WWC2: variants seen among roughly 807,000 people sequenced by gnomAD.
WWC2 encodes the protein WW and C2 domain containing 2, also known as protein WWC2.
WWC2 carries 101 observed loss-of-function variants against 138.5 expected under a neutral mutation model. The observed-to-expected ratio is 0.73, with a 90% CI of 0.62 to 0.86. WWC2 has a LOEUF of 0.86. Ranked by LOEUF, WWC2 falls within the 40% of genes least tolerant of loss-of-function variation. WWC2 has a pLI of 0.00. For synonymous variants in WWC2, 558 were observed against 538.4 expected (o/e 1.04, Z -0.50); for missense variants, 1,420 against 1,419.4 (o/e 1.00, Z -0.01).
At chr4:183,189,936 A>G (rs1432295038) in intron 1 of WWC2, among the ~76,000 whole-genome samples, 2 of 152,222 alleles carry the variant, frequency 1.3e-5, no homozygotes, top group Non-Finnish European at 2.9e-5. Context: ...ATTTGAGTTG[A>G]CAATAAATAT....
chr4:183,124,949 T>C (rs1400262357), intron 1 of WWC2, among the ~76,000 whole-genome samples: 2 of 152,154 alleles, frequency 1.3e-5, no homozygotes, highest in Non-Finnish European at 2.9e-5. Context: ...TTAAACACAC[T>C]AAATTTTTCT....
At position 183,280,892 on chromosome 4, in the gene WWC2, A is replaced by G; in HGVS notation, c.2679A>G (p.Gly893=). The change falls in exon 17 of 23, where the codon GGA becomes GGG. Residue 893 remains glycine (G), a synonymous_variant. Transcript: ENST00000403733. Reference sequence around the variant, plus strand: ...AAGAAGAGCCAAGGGGCCCAGATGGAGACTGGTTAAACACTTATTTCCTTT... The same window carrying G: ...AAGAAGAGCCAAGGGGCCCAGATGGGGACTGGTTAAACACTTATTTCCTTT... ...SGQEEPRGPD[G]DWLTMLREAS... 6.4e-7 allele frequency: 1 copy of G among 1,560,912 alleles called. No individual in the cohort carries two copies. The highest frequency in any genetic ancestry group is 1.2e-5 in the South Asian group (1 of 84,546).
At position 183,289,330 on chromosome 4, in the gene WWC2, G is replaced by A. The variant is rs1738355287; in HGVS notation, c.3142-63G>A. The A allele has an allele frequency of 9.6e-6, 15 of 1,557,394 alleles. No individual in the cohort carries two copies. In the Admixed American group the frequency reaches 2.4e-4, roughly 25 times the overall value. ...CATCCATCATGCGCCAGGAAGGAGG[G>A]GAAGTGGGGTAACCACTGCCTGTAT... On this transcript the variant is annotated intron_variant, in intron 20 of 22. Transcript: ENST00000403733.
intron 1 of WWC2, among the ~76,000 whole-genome samples, chr4:183,154,026 A>AAAAAAAAAAAAAAC: frequency 6.9e-6 from 1 of 145,656 alleles, no homozygotes; most frequent in African/African-American, 2.7e-5. Context: ...AAAAAAAAAA[A>AAAAAAAAAAAAAAC]AACCCCAAAT....
In WWC2 at chr4:183,292,774, A is replaced by G. The variant is rs1178941909; in HGVS notation, c.3384+3139A>G. Among the ~76,000 whole-genome samples the G allele has an allele frequency of 2.0e-5, 3 of 152,316 alleles. No individual in the cohort carries two copies. The East Asian group carries it at 5.8e-4, about 29-fold the overall frequency. ...AGAGAACACTTCCACAACTAATTTT[A>G]TGTTAATGCCAACACTAGATAAAGA... On this transcript the variant is annotated intron_variant, in intron 21 of 22. Coordinates refer to ENST00000403733, the MANE Select transcript of WWC2 (RefSeq NM_024949.6).
At chr4:183,123,637 CATA>C (rs1339162935) in intron 1 of WWC2, among the ~76,000 whole-genome samples, 1 of 151,976 alleles carries the variant, frequency 6.6e-6, no homozygotes, top group East Asian at 1.9e-4. Context: ...GCAAATATAG[CATA>C]ATATCATTTC....
chr4:183,267,498 C>T (rs1169559773), intron 14 of WWC2, among the ~76,000 whole-genome samples: 2 of 152,196 alleles, frequency 1.3e-5, no homozygotes, highest in Admixed American at 6.5e-5. Context: ...CTACCAGAGA[C>T]TGAAACAATA....
chr4:183,222,679 T>TA (rs1451077897), intron 4 of WWC2, among the ~76,000 whole-genome samples: 1 of 152,110 alleles, frequency 6.6e-6, no homozygotes, highest in Non-Finnish European at 1.5e-5. Context: ...CATATAAAAA[T>TA]ATGTGGCCAG....
intron 21 of WWC2, among the ~76,000 whole-genome samples, chr4:183,294,712 A>G (rs77472227): frequency 0.014 from 2,154 of 152,294 alleles, 21 homozygotes; most frequent in Middle Eastern, 0.024. Context: ...GAAAAAGAAG[A>G]TGAAGACCTT....
chr4:183,161,850 C>T (rs1733968824), intron 1 of WWC2, among the ~76,000 whole-genome samples: 3 of 152,154 alleles, frequency 2.0e-5, no homozygotes, highest in South Asian at 4.1e-4. Context: ...ACACATTTCT[C>T]AGAATATATC....
chr4:183,289,441 C>T lies in WWC2; in HGVS notation c.3190C>T (p.Arg1064Trp), dbSNP rs368684879. Residue 1064 changes from arginine to tryptophan, a missense_variant, in exon 21 of 23, where the codon CGG (arginine) becomes TGG (tryptophan). By Grantham distance (101) the Arg-to-Trp change is moderately radical. Transcript: ENST00000403733. The stretch of plus-strand genomic sequence containing the variant: ...AAGAACAACACAGGAATGCCCAGTG[C>T]GGACATCTCTAGACTTAGAACTGGA... ...LRRTTQECPV[R>W]TSLDLELDLQ... 2.0e-5 allele frequency: 32 copies of T among 1,612,272 alleles called. No homozygotes were observed. Among genetic ancestry groups the T allele is most frequent in the East Asian group, 1.1e-4 (5 of 44,832 alleles).
chr4:183,265,424 A>AT (rs1737470386), intron 12 of WWC2, among the ~76,000 whole-genome samples: 1 of 152,214 alleles, frequency 6.6e-6, no homozygotes, highest in South Asian at 2.1e-4. Context: ...TATTTCTGAA[A>AT]GTCTGAAATG....
At chr4:183,310,374 C>G (rs909106907) in intron 21 of WWC2, among the ~76,000 whole-genome samples, 1 of 152,142 alleles carries the variant, frequency 6.6e-6, no homozygotes, top group Admixed American at 6.5e-5. Context: ...AATAAATAGA[C>G]TGTGTTTTTC....
chr4:183,245,479 A>G lies in WWC2; in HGVS notation c.666A>G (p.Leu222=), dbSNP rs751217779. The part of the protein sequence containing the change: ...GYELSEAKAI[L]TELKSIRKAI... Reference sequence around the variant, plus strand: ...AACTCAGTGAAGCCAAAGCCATTCTAACAGAACTAAAATCTATCAGAAAGG... The same window carrying G: ...AACTCAGTGAAGCCAAAGCCATTCTGACAGAACTAAAATCTATCAGAAAGG... The change falls in exon 6 of 23, where the codon CTA becomes CTG. Residue 222 remains leucine, a synonymous_variant. Transcript: ENST00000403733. 2 of 1,608,682 alleles carry G rather than the reference A, an allele frequency of 1.2e-6. No homozygotes were observed. The highest frequency in any genetic ancestry group is 1.7e-6 in the Non-Finnish European group (2 of 1,177,866).
At position 183,248,825 on chromosome 4, in the gene WWC2, CT is replaced by C. The variant is rs1211969663; in HGVS notation, c.846del (p.Asp283MetfsTer14). 8 of 1,601,934 alleles carry C rather than the reference CT, an allele frequency of 5.0e-6. No individual in the cohort carries two copies. The highest frequency in any genetic ancestry group is 6.0e-6 in the Non-Finnish European group (7 of 1,173,314). Reference protein sequence around the residue: ...NSHLCLSRQTLDAGSQTSISG... With the variant: ...NSHLCLSRQTXDAGSQTSISG... ...TCATTTATGTCTCTCCAGACAGACCCTTGATGCTGGGTCACAAACAAGCATT... is the reference window on the plus strand; with the variant it reads ...TCATTTATGTCTCTCCAGACAGACCCTGATGCTGGGTCACAAACAAGCATT... On this transcript the variant is annotated frameshift_variant, in exon 7 of 23. Transcript: ENST00000403733. LOFTEE classifies it high-confidence loss of function.
At chr4:183,303,680 A>G (rs1738935403) in intron 21 of WWC2, among the ~76,000 whole-genome samples, 1 of 152,202 alleles carries the variant, frequency 6.6e-6, no homozygotes, top group Non-Finnish European at 1.5e-5. Context: ...ATAAATAAAC[A>G]TAAATTTGGA....
chr4:183,296,747 C>T (rs1243178794), intron 21 of WWC2, among the ~76,000 whole-genome samples: 3 of 151,662 alleles, frequency 2.0e-5, no homozygotes, highest in Admixed American at 6.6e-5. Flanking sequence ...CCCTGGCTAA[C>T]GCGGTGAAAC....
At position 183,193,695 on chromosome 4, in the gene WWC2, C is replaced by T. The variant is rs752787031; in HGVS notation, c.228C>T (p.Ile76=). The part of the protein sequence containing the change: ...GFDPQIGVYY[I]DHINKTTQIE... Reference sequence around the variant, plus strand: ...ACCCTCAGATTGGTGTCTACTACATCGATCACATCAACAGTAAGTTTTCCT... The same window carrying T: ...ACCCTCAGATTGGTGTCTACTACATTGATCACATCAACAGTAAGTTTTCCT... Residue 76 remains isoleucine (I), a synonymous_variant, in exon 2 of 23, where the codon ATC becomes ATT. Transcript: ENST00000403733. 5.0e-6 allele frequency: 8 copies of T among 1,613,226 alleles called. No individual in the cohort carries two copies. Among genetic ancestry groups the T allele is most frequent in the South Asian group, 1.1e-5 (1 of 90,912 alleles).
At chr4:183,114,985 C>G (rs1466911424) in intron 1 of WWC2, among the ~76,000 whole-genome samples, 1 of 152,144 alleles carries the variant, frequency 6.6e-6, no homozygotes, top group Non-Finnish European at 1.5e-5. Flanking sequence ...CCACACCCAG[C>G]TAATCCCCAT....
Sources: gnomAD v4.1 joint callset for allele counts (sites outside exome capture counted in the v4.1 genomes callset) on GRCh38, gnomAD v4.1.1 for gene constraint, MANE v1.5 for transcripts, NCBI Gene and HGNC (gene_info 2026-07-23, HGNC 2026-07-21) for gene names.